Variants in CRB1 observed in about 807,000 individuals in gnomAD.
The protein encoded by CRB1 is protein crumbs homolog 1.
A neutral mutation model predicts 120.0 loss-of-function variants in CRB1; 83 were observed. The observed-to-expected ratio is 0.69, with a 90% CI of 0.58 to 0.83. The LOEUF is 0.83. Among genes scored for constraint, CRB1 ranks in the 40% least tolerant of loss-of-function variants. CRB1 has a pLI of 0.00. For missense variants in CRB1, 1,699 were observed against 1,687.6 expected (o/e 1.01, Z -0.12); for synonymous variants, 625 against 612.5 (o/e 1.02, Z -0.30).
At chr1:197,456,123 T>C (rs567281472) in intron 11 of CRB1, among the ~76,000 whole-genome samples, 3 of 152,142 alleles carry the variant, frequency 2.0e-5, no homozygotes, top group African/African-American at 7.2e-5. Flanking sequence ...ACAACAGTTA[T>C]AAAGGAAAAC....
At chr1:197,293,289 T>C (rs1031935779) in intron 1 of CRB1, among the ~76,000 whole-genome samples, 2 of 152,054 alleles carry the variant, frequency 1.3e-5, no homozygotes, top group Non-Finnish European at 2.9e-5. Flanking sequence ...GAGAGCCAAA[T>C]CATGAGTGAA....
At chr1:197,414,280 G>GTA (rs748718336) in intron 5 of CRB1, among the ~76,000 whole-genome samples, 25 of 151,782 alleles carry the variant, frequency 1.6e-4, no homozygotes, top group Non-Finnish European at 3.1e-4. Flanking sequence ...TATATGTCTA[G>GTA]TATATATATA....
intron 4 of CRB1, 22 bp downstream of exon 4, chr1:197,347,501 A>G: frequency 6.2e-7 from 1 of 1,612,480 alleles, no homozygotes; most frequent in Non-Finnish European, 8.5e-7. Context: ...AATACCTTCC[A>G]CCAATTATTT....
the CRB1 span, among the ~76,000 whole-genome samples, chr1:197,233,404 A>T: frequency 6.6e-6 from 1 of 152,092 alleles, no homozygotes; most frequent in Admixed American, 6.5e-5. Context: ...TTTAAGTAGA[A>T]TGTAAGTGGC....
At chr1:197,353,616 C>T (rs1035810143) in intron 4 of CRB1, among the ~76,000 whole-genome samples, 2 of 151,894 alleles carry the variant, frequency 1.3e-5, no homozygotes, top group Non-Finnish European at 2.9e-5. Flanking sequence ...GACTGGCCAA[C>T]ATGGTGAAAC....
At position 197,421,541 on chromosome 1, in the gene CRB1, G is replaced by A. The variant is rs375514026; in HGVS notation, c.1713G>A (p.Glu571=). Residue 571 remains glutamate (E), a synonymous_variant, in exon 6 of 12, where the codon GAG becomes GAA. Transcript: ENST00000367400. ...NTSDGEWHFV[E]VIFAEAVTLT... is the part of the protein sequence containing the mutation. ...GCGATGGAGAGTGGCATTTCGTGGA[G>A]GTAATATTTGCAGAGGCTGTGACCC... 3.1e-6 allele frequency: 5 copies of A among 1,614,220 alleles called. No individual in the cohort carries two copies. Among genetic ancestry groups the A allele is most frequent in the Non-Finnish European group, 4.2e-6 (5 of 1,180,048 alleles).
upstream of CRB1, among the ~76,000 whole-genome samples, chr1:197,266,362 C>T: frequency 6.6e-6 from 1 of 152,060 alleles, no homozygotes; most frequent in East Asian, 1.9e-4. Flanking sequence ...GGCAAATAAA[C>T]TCCCTCAGGC....
intron 1 of CRB1, among the ~76,000 whole-genome samples, chr1:197,291,935 T>C (rs1656206696): frequency 6.6e-6 from 1 of 151,986 alleles, no homozygotes; most frequent in Non-Finnish European, 1.5e-5. Context: ...GAGGGAAATA[T>C]ATAGCACTAA....
chr1:197,224,405 G>A, the CRB1 span, among the ~76,000 whole-genome samples: 1 of 152,066 alleles, frequency 6.6e-6, no homozygotes, highest in Non-Finnish European at 1.5e-5. Context: ...ACTGGAGGGT[G>A]CAATTTGTCA....
chr1:197,430,091 G>A (rs1206669138), intron 8 of CRB1, among the ~76,000 whole-genome samples: 1 of 152,126 alleles, frequency 6.6e-6, no homozygotes, highest in African/African-American at 2.4e-5. Flanking sequence ...AATCAAACAT[G>A]TTAGGCACTC....
chr1:197,429,569 T>C lies in CRB1; in HGVS notation c.2797T>C (p.Cys933Arg). ...GGTTCAGTGGTGTGGATTCAGCCCG[T>C]GTCCTCACGGAGCCCAGTGCCAGCC... Reference protein sequence around the residue: ...EEVQWCGFSPCPHGAQCQPVL... With the variant: ...EEVQWCGFSPRPHGAQCQPVL... The change falls in exon 8 of 12, where the codon TGT becomes CGT. Residue 933 changes from cysteine to arginine, a missense_variant. By Grantham distance (180) the Cys-to-Arg change is radical (BLOSUM62 -3). Transcript: ENST00000367400. 6.2e-7 allele frequency: 1 copy of C among 1,614,042 alleles called. No individual in the cohort carries two copies. The highest frequency in any genetic ancestry group is 1.7e-5 in the Admixed American group (1 of 60,006).
intron 2 of CRB1, among the ~76,000 whole-genome samples, chr1:197,343,375 A>T (rs1659580914): frequency 6.6e-6 from 1 of 152,174 alleles, no homozygotes; most frequent in Non-Finnish European, 1.5e-5. Flanking sequence ...CTATTTTGGC[A>T]CTTAATAAAA....
intron 5 of CRB1, chr1:197,363,707 A>C: frequency 2.3e-6 from 1 of 431,644 alleles, no homozygotes; most frequent in Non-Finnish European, 4.4e-6. Flanking sequence ...CCCTTTTGGA[A>C]CTGTGTGTGG....
At chr1:197,208,848 G>A in the CRB1 span, among the ~76,000 whole-genome samples, 39 of 152,132 alleles carry the variant, frequency 2.6e-4, no homozygotes, top group African/African-American at 9.4e-4. Context: ...AGACCATCAG[G>A]TGGGGGTAGG....
chr1:197,409,649 A>C (rs1452951066), intron 5 of CRB1, among the ~76,000 whole-genome samples: 1 of 152,158 alleles, frequency 6.6e-6, no homozygotes, highest in Non-Finnish European at 1.5e-5. Flanking sequence ...ACCAACCACA[A>C]GTTGGCTTGG....
chr1:197,431,490 T>C (rs1052770363), intron 8 of CRB1, among the ~76,000 whole-genome samples: 1 of 152,216 alleles, frequency 6.6e-6, no homozygotes, highest in Non-Finnish European at 1.5e-5. Context: ...ATTTTACTGT[T>C]GATCTTTTGA....
chr1:197,415,576 C>T (rs1180847672), intron 5 of CRB1, among the ~76,000 whole-genome samples: 1 of 150,056 alleles, frequency 6.7e-6, no homozygotes, highest in Non-Finnish European at 1.5e-5. Context: ...TGTTTATTCA[C>T]TTATTTACAC....
chr1:197,448,495 T>C (rs990519395), intron 11 of CRB1, among the ~76,000 whole-genome samples: 5 of 152,122 alleles, frequency 3.3e-5, no homozygotes, highest in African/African-American at 1.2e-4. Context: ...ACACAAACTG[T>C]CTCCAACTTC....
At chr1:197,364,618 C>A (rs1345108382) in intron 5 of CRB1, among the ~76,000 whole-genome samples, 1 of 151,756 alleles carries the variant, frequency 6.6e-6, no homozygotes, top group Non-Finnish European at 1.5e-5. Context: ...TGAGCAAATT[C>A]TTTTGATCTG....
Sources: allele counts gnomAD v4.1 joint callset (sites outside exome capture counted in the v4.1 genomes callset), GRCh38; gene constraint gnomAD v4.1.1; transcripts MANE v1.5; gene names NCBI Gene and HGNC (gene_info 2026-07-23, HGNC 2026-07-21).